The following AAMDC variants were observed in gnomAD, a reference collection of about 807,000 sequenced individuals.
The protein encoded by AAMDC is adipogenesis associated Mth938 domain containing.
Under a neutral mutation model 15.5 loss-of-function variants are expected in AAMDC, and 16 were observed. The observed-to-expected ratio is 1.03, with a 90% CI of 0.70 to 1.57. The LOEUF is 1.57. Ranked by LOEUF, AAMDC falls within the 40% of genes most tolerant of loss-of-function variation. AAMDC has a pLI of 0.00. For synonymous variants in AAMDC, 51 were observed against 51.6 expected, an observed-to-expected ratio of 0.99 and a Z score of 0.05; for missense variants, 141 against 144.9, an observed-to-expected ratio of 0.97 and a Z score of 0.14.
At position 77,843,005 on chromosome 11, in the gene AAMDC, T is replaced by C. The variant is rs543182753; in HGVS notation, c.132+377T>C. On this transcript the variant is annotated intron_variant, in intron 2 of 3. Coordinates refer to ENST00000393427, the MANE Select transcript of AAMDC (RefSeq NM_024684.4). ...AGATATGCCTATTCTGGATGTTTTC[T>C]ATAAATTACATCATTCAGATATCTT... Among the ~76,000 whole-genome samples the C allele has an allele frequency of 8.0e-4, 122 of 152,358 alleles. 2 individuals carry two copies. The South Asian group carries it at 0.024, about 30-fold the overall frequency.
chr11:77,846,727 T>C (rs1950164524), intron 2 of AAMDC, among the ~76,000 whole-genome samples: 1 of 152,178 alleles, frequency 6.6e-6, no homozygotes, highest in Non-Finnish European at 1.5e-5. Context: ...ATTAGTATCC[T>C]TTAGAAGTTC....
intron 1 of AAMDC, among the ~76,000 whole-genome samples, chr11:77,826,251 A>T (rs1334438973): frequency 6.6e-6 from 1 of 151,698 alleles, no homozygotes; most frequent in Admixed American, 6.6e-5. Flanking sequence ...AGTCCCAGCT[A>T]CTCGGGAGGC....
chr11:77,850,082 C>A (rs1211514698), intron 2 of AAMDC, among the ~76,000 whole-genome samples: 2 of 152,170 alleles, frequency 1.3e-5, no homozygotes, highest in Non-Finnish European at 2.9e-5. Flanking sequence ...TTGAAATTTT[C>A]ATTATAAATG....
downstream of AAMDC, among the ~76,000 whole-genome samples, chr11:77,875,617 G>A (rs1388619028): frequency 6.6e-6 from 1 of 152,040 alleles, no homozygotes. Flanking sequence ...TACTTTTCCT[G>A]CCTACCTTTC....
chr11:77,867,283 T>C (rs1951163100), intron 2 of AAMDC, among the ~76,000 whole-genome samples: 1 of 150,436 alleles, frequency 6.6e-6, no homozygotes, highest in Non-Finnish European at 1.5e-5. Flanking sequence ...ATCTCTACCA[T>C]TAGAAGGTAC....
intron 2 of AAMDC, chr11:77,866,450 A>T (rs1790240): frequency 0.75 from 113,303 of 152,008 alleles, 42,931 homozygotes; most frequent in African/African-American, 0.88. Context: ...AATAGTCTCA[A>T]GCTCCAATCC....
chr11:77,902,149 G>C (rs1301871690), downstream of AAMDC, among the ~76,000 whole-genome samples: 1 of 152,172 alleles, frequency 6.6e-6, no homozygotes, highest in Non-Finnish European at 1.5e-5. Context: ...ACACTCTAGG[G>C]TCACGGAAAT....
At chr11:77,891,795 G>C in intron 5 of AAMDC, 1 of 1,611,924 alleles carries the variant, frequency 6.2e-7, no homozygotes, top group Non-Finnish European at 8.5e-7. Context: ...CAAGGAGTTT[G>C]TCCACAAAGC....
intron 1 of AAMDC, among the ~76,000 whole-genome samples, chr11:77,837,073 T>C (rs1242206259): frequency 6.6e-6 from 1 of 152,258 alleles, no homozygotes; most frequent in Non-Finnish European, 1.5e-5. Flanking sequence ...CTTCCTTCCA[T>C]AGCACCCATA....
At chr11:77,850,151 T>C (rs779156853) in intron 2 of AAMDC, among the ~76,000 whole-genome samples, 2 of 152,236 alleles carry the variant, frequency 1.3e-5, no homozygotes, top group Non-Finnish European at 2.9e-5. Context: ...GTTAATGTTA[T>C]AATTCCTTTT....
At chr11:77,903,674 A>G, downstream of AAMDC, 1 of 1,358,214 alleles carries the variant, frequency 7.4e-7, no homozygotes. Flanking sequence ...AGACTGGCCT[A>G]TCATTTGGGA....
intron 5 of AAMDC, among the ~76,000 whole-genome samples, chr11:77,894,566 A>C (rs1441702263): frequency 6.6e-6 from 1 of 152,250 alleles, no homozygotes; most frequent in Non-Finnish European, 1.5e-5. Flanking sequence ...TTAAGCTCAA[A>C]GAATATTAAA....
intron 5 of AAMDC, chr11:77,894,148 G>C (rs1952405846): frequency 1.9e-6 from 1 of 513,434 alleles, no homozygotes. Flanking sequence ...CCTAATTTAA[G>C]GTTAACGACA....
At chr11:77,869,032 TG>T in intron 2 of AAMDC, 1 of 345,536 alleles carries the variant, frequency 2.9e-6, no homozygotes, top group South Asian at 3.6e-5. Flanking sequence ...GTAACATTTG[TG>T]GGACATTCCT....
At chr11:77,846,878 CTA>C (rs1170806715) in intron 2 of AAMDC, among the ~76,000 whole-genome samples, 1 of 152,112 alleles carries the variant, frequency 6.6e-6, no homozygotes, top group Non-Finnish European at 1.5e-5. Context: ...AATAATCAGA[CTA>C]TGCCATTTGG....
At chr11:77,859,885 G>C (rs1230367365) in intron 2 of AAMDC, among the ~76,000 whole-genome samples, 1 of 152,224 alleles carries the variant, frequency 6.6e-6, no homozygotes. Flanking sequence ...TAAGTAAATG[G>C]TTGTCTGACA....
chr11:77,885,792 C>T (rs764977833), intron 5 of AAMDC, among the ~76,000 whole-genome samples: 2 of 151,820 alleles, frequency 1.3e-5, no homozygotes, highest in Non-Finnish European at 2.9e-5. Context: ...TGCACTCCAG[C>T]CTGGGTGACA....
chr11:77,850,250 AAAT>A (rs1215468289), intron 2 of AAMDC, among the ~76,000 whole-genome samples: 1 of 152,236 alleles, frequency 6.6e-6, no homozygotes, highest in Non-Finnish European at 1.5e-5. Context: ...CAGTATCCTG[AAAT>A]AATAATTAGT....
At chr11:77,879,798 G>A (rs746265874) in intron 5 of AAMDC, among the ~76,000 whole-genome samples, 2 of 152,104 alleles carry the variant, frequency 1.3e-5, no homozygotes, top group Admixed American at 6.6e-5. Context: ...TACAACACAC[G>A]CTCTAACCAA....
Sources: allele counts gnomAD v4.1 joint callset (sites outside exome capture counted in the v4.1 genomes callset), GRCh38; gene constraint gnomAD v4.1.1; transcripts MANE v1.5; gene names NCBI Gene and HGNC (gene_info 2026-07-23, HGNC 2026-07-21).